Variants in BCL2 observed in about 807,000 individuals in gnomAD.
BCL2 encodes the protein BCL2 apoptosis regulator.
BCL2 carries 1 observed loss-of-function variant against 14.2 expected under a neutral mutation model. That is an observed-to-expected ratio of 0.07 (90% CI 0.02 to 0.33). BCL2 has a LOEUF of 0.33. BCL2 is among the 10% of genes least tolerant of loss of function. BCL2 has a pLI of 0.99. For missense variants in BCL2, 247 were observed against 305.9 expected (o/e 0.81, Z 1.44); for synonymous variants, 151 against 137.2 (o/e 1.10, Z -0.70).
intron 2 of BCL2, among the ~76,000 whole-genome samples, chr18:63,176,102 T>A (rs1014446378): frequency 6.6e-6 from 1 of 152,230 alleles, no homozygotes; most frequent in African/African-American, 2.4e-5. Context: ...GCTGTTCTGT[T>A]CGCTCTGGTC....
At chr18:63,305,251 T>C (rs1274339474) in intron 2 of BCL2, among the ~76,000 whole-genome samples, 1 of 152,210 alleles carries the variant, frequency 6.6e-6, no homozygotes, top group Admixed American at 6.5e-5. Flanking sequence ...CAGTAGAGTA[T>C]ACTAGTTTTC....
At chr18:63,185,095 G>A (rs1599231285) in intron 2 of BCL2, among the ~76,000 whole-genome samples, 2 of 152,216 alleles carry the variant, frequency 1.3e-5, no homozygotes, top group East Asian at 3.8e-4. Context: ...GGAGTTATGA[G>A]AGATGCTTGC....
intron 2 of BCL2, chr18:63,302,624 T>C (rs1912998518): frequency 2.0e-6 from 2 of 985,092 alleles, no homozygotes; most frequent in Admixed American, 6.2e-5. Flanking sequence ...GAGTGACTTA[T>C]TCTGCACATG....
At chr18:63,215,874 T>C (rs758163132) in intron 2 of BCL2, among the ~76,000 whole-genome samples, 1 of 152,166 alleles carries the variant, frequency 6.6e-6, no homozygotes, top group Non-Finnish European at 1.5e-5. Context: ...ATTTTCCTTA[T>C]AGGTACTATT....
In BCL2 at chr18:63,126,903, T is replaced by C. The variant is rs1372451595; in HGVS notation, c.*1722A>G. On this transcript the variant is annotated 3_prime_UTR_variant, in exon 3 of 3. Coordinates refer to ENST00000333681, the MANE Select transcript of BCL2 (RefSeq NM_000633.3). ...GTTAATACAGATAAATGGTATATAA[T>C]GCAATAATGCCACAGAGTTATTCCA... 1.8e-5 allele frequency: 4 copies of C among 227,882 alleles called. No homozygotes were observed. Among genetic ancestry groups the C allele is most frequent in the African/African-American group, 2.2e-5 (1 of 45,070 alleles). 14.1% of individuals were successfully genotyped at this position (227,882 alleles called of 1,614,324 possible).
intron 2 of BCL2, among the ~76,000 whole-genome samples, chr18:63,179,441 C>A (rs910460794): frequency 6.6e-6 from 1 of 152,148 alleles, no homozygotes; most frequent in Non-Finnish European, 1.5e-5. Context: ...TCATCTCATC[C>A]CAAATATTTG....
chr18:63,249,178 G>A (rs904847047), intron 2 of BCL2, among the ~76,000 whole-genome samples: 4 of 152,198 alleles, frequency 2.6e-5, no homozygotes, highest in African/African-American at 9.7e-5. Flanking sequence ...TCAGCAACTA[G>A]TGTTTTGGAG....
intron 2 of BCL2, among the ~76,000 whole-genome samples, chr18:63,245,617 A>G (rs958392366): frequency 6.6e-6 from 1 of 152,214 alleles, no homozygotes; most frequent in African/African-American, 2.4e-5. Context: ...CACACATACA[A>G]ATCAGTGCAC....
At chr18:63,225,959 C>T (rs1910532528) in intron 2 of BCL2, among the ~76,000 whole-genome samples, 1 of 152,146 alleles carries the variant, frequency 6.6e-6, no homozygotes, top group Admixed American at 6.5e-5. Flanking sequence ...TTGTGGCACC[C>T]AAGTTCTTGT....
chr18:63,237,966 CT>C (rs1481511407), intron 2 of BCL2, among the ~76,000 whole-genome samples: 1 of 147,506 alleles, frequency 6.8e-6, no homozygotes, highest in African/African-American at 2.5e-5. Flanking sequence ...CCTCTTTCTT[CT>C]GGCTTAAACC....
At chr18:63,158,364 C>T (rs1400278980) in intron 2 of BCL2, among the ~76,000 whole-genome samples, 1 of 152,158 alleles carries the variant, frequency 6.6e-6, no homozygotes, top group Non-Finnish European at 1.5e-5. Context: ...GTGACCTGGC[C>T]CTACCAGGGA....
chr18:63,291,122 G>A (rs148712433), intron 2 of BCL2, among the ~76,000 whole-genome samples: 69 of 152,262 alleles, frequency 4.5e-4, no homozygotes, highest in African/African-American at 1.2e-3. Context: ...TTGAAGGTAC[G>A]CCATCCTTTT....
chr18:63,129,292 CTT>C (rs71160900), intron 2 of BCL2, among the ~76,000 whole-genome samples: 1 of 145,180 alleles, frequency 6.9e-6, no homozygotes, highest in Admixed American at 6.8e-5. Flanking sequence ...CTTTTTCTTT[CTT>C]TTTTTTTTTT....
intron 2 of BCL2, among the ~76,000 whole-genome samples, chr18:63,264,407 A>G (rs1043337228): frequency 1.3e-5 from 2 of 152,136 alleles, no homozygotes; most frequent in African/African-American, 2.4e-5. Flanking sequence ...AGAGTGGCAA[A>G]ATTAAATATG....
At chr18:63,265,444 G>C (rs1911799018) in intron 2 of BCL2, among the ~76,000 whole-genome samples, 2 of 152,134 alleles carry the variant, frequency 1.3e-5, no homozygotes, top group Admixed American at 1.3e-4. Context: ...GATGAAACCA[G>C]GGCAGTTAGG....
rs1913862957 is a variant in BCL2 at position 63,124,634 on chromosome 18, A to T, written c.*3991T>A. 1 of 192,034 alleles carries T rather than the reference A, an allele frequency of 5.2e-6. No individual in the cohort carries two copies. Among genetic ancestry groups the T allele is most frequent in the Non-Finnish European group, 1.0e-5 (1 of 98,634 alleles). 11.9% of individuals were successfully genotyped at this position (192,034 alleles called of 1,614,324 possible). A position where few individuals can be genotyped will look rare whatever the true frequency, so the allele number is the denominator to read the frequency against. On this transcript the variant is annotated 3_prime_UTR_variant, in exon 3 of 3. Transcript: ENST00000333681. ...CCCTCCAACAAATGTCCTTTGTCCCATAATAATTTAAAAAAAAAATCCCTG... is the reference window on the plus strand; with the variant it reads ...CCCTCCAACAAATGTCCTTTGTCCCTTAATAATTTAAAAAAAAAATCCCTG...
At position 63,123,596 on chromosome 18, in the gene BCL2, A is replaced by T. The variant is rs1913831669; in HGVS notation, c.*5029T>A. On this transcript the variant is annotated 3_prime_UTR_variant, in exon 3 of 3. Coordinates refer to ENST00000333681, the MANE Select transcript of BCL2 (RefSeq NM_000633.3). ...AAAAAGAGCCATGGAAGGTAAAAGTATGAAAATCTTGATAACAAAAGCTTT... is the reference window on the plus strand; with the variant it reads ...AAAAAGAGCCATGGAAGGTAAAAGTTTGAAAATCTTGATAACAAAAGCTTT... 1 of 210,684 alleles carries T rather than the reference A, an allele frequency of 4.7e-6. No individual in the cohort carries two copies. The highest frequency in any genetic ancestry group is 9.6e-6 in the Non-Finnish European group (1 of 103,820). 13.1% of individuals were successfully genotyped at this position (210,684 alleles called of 1,614,324 possible). A position where few individuals can be genotyped will look rare whatever the true frequency, so the allele number is the denominator to read the frequency against.
rs144043928 is a variant in BCL2, at chr18:63,141,252, G to T, written c.586-12493C>A. Among the ~76,000 whole-genome samples the T allele has an allele frequency of 3.4e-3, 519 of 152,270 alleles. 8 individuals are homozygous for T. The highest frequency in any genetic ancestry group is 0.025 in the Admixed American group (376 of 15,290). ...GTGCATCCTTGAGGATGTGACTTGGGTTCTGTTGGTGCGTGCCAGAGCTGT... is the reference window on the plus strand; with the variant it reads ...GTGCATCCTTGAGGATGTGACTTGGTTTCTGTTGGTGCGTGCCAGAGCTGT... On this transcript the variant is annotated intron_variant, in intron 2 of 2. Transcript: ENST00000333681.
intron 2 of BCL2, among the ~76,000 whole-genome samples, chr18:63,253,420 T>C (rs1568247905): frequency 6.6e-6 from 1 of 152,216 alleles, no homozygotes; most frequent in South Asian, 2.1e-4. Context: ...TATAAGAATA[T>C]ATTGCAACAT....
Sources: gnomAD v4.1 joint callset for allele counts (sites outside exome capture counted in the v4.1 genomes callset) on GRCh38, gnomAD v4.1.1 for gene constraint, MANE v1.5 for transcripts, NCBI Gene and HGNC (gene_info 2026-07-23, HGNC 2026-07-21) for gene names.